ATP10A: variants seen among roughly 807,000 people sequenced by gnomAD.
The protein encoded by ATP10A is ATPase phospholipid transporting 10A (putative).
A neutral mutation model predicts 147.8 loss-of-function variants in ATP10A; 111 were observed. The ratio of observed to expected loss-of-function variants is 0.75; its 90% CI spans 0.64 to 0.88. The LOEUF is 0.88. ATP10A is among the 40% of genes least tolerant of loss of function. The pLI is 0.00. For missense variants in ATP10A, 1,927 were observed against 1,959.0 expected, an observed-to-expected ratio of 0.98 and a Z score of 0.31; for synonymous variants, 875 against 841.6, an observed-to-expected ratio of 1.04 and a Z score of -0.69.
At chr15:25,729,713 T>G (rs546712049) in intron 3 of ATP10A, among the ~76,000 whole-genome samples, 2 of 152,300 alleles carry the variant, frequency 1.3e-5, no homozygotes, top group African/African-American at 4.8e-5. Context: ...AGCCTCTGCC[T>G]GAGGTAGCCC....
At chr15:25,803,794 G>A (rs545057564) in intron 1 of ATP10A, among the ~76,000 whole-genome samples, 40 of 152,292 alleles carry the variant, frequency 2.6e-4, no homozygotes, top group Non-Finnish European at 5.1e-4. Flanking sequence ...GCAAACCTCC[G>A]TGGGCCTCGG....
rs529181954 is a variant in ATP10A, at chr15:25,725,760, G to A, written c.979+191C>T. ...AGCCATTCTCCTGCCTCAGTCTCCC[G>A]AGTAGCTGGGACTACAGGCACATTT... On this transcript the variant is annotated intron_variant, in intron 5 of 20. Coordinates refer to ENST00000555815, the MANE Select transcript of ATP10A (RefSeq NM_024490.4). Among the ~76,000 whole-genome samples the A allele has an allele frequency of 4.6e-4, 70 of 151,672 alleles. 1 individual carries two copies. In the East Asian group the frequency reaches 0.012, roughly 26 times the overall value.
intron 1 of ATP10A, among the ~76,000 whole-genome samples, chr15:25,787,950 T>C (rs1292021349): frequency 1.3e-5 from 2 of 152,182 alleles, no homozygotes; most frequent in Non-Finnish European, 2.9e-5. Flanking sequence ...CAGGATCACC[T>C]TGGGGACTTC....
chr15:25,683,317 G>A lies in ATP10A; in HGVS notation c.3461C>T (p.Pro1154Leu), dbSNP rs369503367. The A allele has an allele frequency of 2.1e-5, 34 of 1,613,964 alleles. No homozygotes were observed. Among genetic ancestry groups the A allele is most frequent in the African/African-American group, 1.1e-4 (8 of 74,886 alleles). Residue 1154 changes from proline to leucine, a missense_variant, in exon 17 of 21, where the codon CCG (proline) becomes CTG (leucine). Coordinates refer to ENST00000555815, the MANE Select transcript of ATP10A (RefSeq NM_024490.4). ...GTTCTGGCCACTCTTGTAGAGCTGC[G>A]GGTTGGTCAGCAGCACATTGGCTGG... ...DVPANVLLTN[P>L]QLYKSGQNME... is the part of the protein sequence containing the mutation.
At chr15:25,779,026 G>A (rs1420195085) in intron 2 of ATP10A, among the ~76,000 whole-genome samples, 2 of 152,040 alleles carry the variant, frequency 1.3e-5, no homozygotes, top group South Asian at 2.1e-4. Flanking sequence ...ACAGGCATGC[G>A]CCACCACGCC....
chr15:25,744,077 G>A (rs910318142), intron 2 of ATP10A, among the ~76,000 whole-genome samples: 1 of 152,018 alleles, frequency 6.6e-6, no homozygotes, highest in African/African-American at 2.4e-5. Flanking sequence ...GCTTTCTAAC[G>A]CAACCAGGAA....
In ATP10A at chr15:25,716,903, G is replaced by C. The variant is rs747957182; in HGVS notation, c.1603C>G (p.Pro535Ala). Reference protein sequence around the residue: ...SPMEKDITPDPKLLEKVSECD... With the variant: ...SPMEKDITPDAKLLEKVSECD... ...TCACTCACCTTCTCCAGCAGCTTTG[G>C]GTCGGGCGTGATATCCTTCTCCTGG... The change falls in exon 9 of 21, where the codon CCA (proline) becomes GCA (alanine). Residue 535 changes from proline to alanine, a missense_variant. By Grantham distance (27) the Pro-to-Ala change is conservative (BLOSUM62 -1). Transcript: ENST00000555815. 1.0e-5 allele frequency: 16 copies of C among 1,590,528 alleles called. No homozygotes were observed. The highest frequency in any genetic ancestry group is 1.4e-5 in the Non-Finnish European group (16 of 1,166,814).
intron 12 of ATP10A, among the ~76,000 whole-genome samples, chr15:25,703,420 C>A (rs933369022): frequency 8.5e-5 from 13 of 152,210 alleles, no homozygotes; most frequent in Non-Finnish European, 1.5e-4. Context: ...TGTGAGAACA[C>A]TGCAAGGAGG....
chr15:25,766,221 C>G (rs1216861851), intron 2 of ATP10A, among the ~76,000 whole-genome samples: 1 of 152,172 alleles, frequency 6.6e-6, no homozygotes, highest in East Asian at 1.9e-4. Context: ...GTTACCTCCC[C>G]CTGGTTCCCA....
chr15:25,764,504 CG>C (rs1888922986), intron 2 of ATP10A, among the ~76,000 whole-genome samples: 1 of 152,102 alleles, frequency 6.6e-6, no homozygotes, highest in East Asian at 1.9e-4. Context: ...GACACTCACT[CG>C]AAGTTCTGCC....
intron 12 of ATP10A, among the ~76,000 whole-genome samples, chr15:25,706,572 C>A (rs1901033253): frequency 6.6e-6 from 1 of 152,196 alleles, no homozygotes; most frequent in African/African-American, 2.4e-5. Context: ...TGAGTCAGGG[C>A]TCCTGGGCTC....
intron 1 of ATP10A, among the ~76,000 whole-genome samples, chr15:25,831,802 T>A (rs1435685528): frequency 7.9e-5 from 12 of 152,174 alleles, no homozygotes; most frequent in Admixed American, 6.5e-4. Flanking sequence ...TCATTATTCA[T>A]GAGCAAAATG....
At chr15:25,779,401 T>C (rs1889784400) in intron 2 of ATP10A, among the ~76,000 whole-genome samples, 1 of 152,230 alleles carries the variant, frequency 6.6e-6, no homozygotes, top group South Asian at 2.1e-4. Context: ...CTATCAGCCC[T>C]CTGCCTGCCC....
chr15:25,787,934 C>T (rs1890244802), intron 1 of ATP10A, among the ~76,000 whole-genome samples: 1 of 152,152 alleles, frequency 6.6e-6, no homozygotes, highest in Admixed American at 6.5e-5. Flanking sequence ...GGACACTGCC[C>T]TCCCCCAGGA....
intron 2 of ATP10A, among the ~76,000 whole-genome samples, chr15:25,737,397 T>C (rs1199233911): frequency 2.6e-5 from 4 of 152,166 alleles, no homozygotes; most frequent in African/African-American, 7.2e-5. Flanking sequence ...ACGAGGAGGG[T>C]AGGACTTAAA....
intron 17 of ATP10A, 75 bp downstream of exon 17, chr15:25,683,211 G>C (rs59122345): frequency 1.4e-6 from 2 of 1,397,468 alleles, no homozygotes; most frequent in African/African-American, 1.4e-5. Flanking sequence ...GAGGCTGGGG[G>C]ACTGGCACTT....
At position 25,679,002 on chromosome 15, in the gene ATP10A, GCAGTCA is replaced by G. The variant is rs1899212163; in HGVS notation, c.*333_*338del. On this transcript the variant is annotated 3_prime_UTR_variant, in exon 21 of 21. Transcript: ENST00000555815. Reference sequence around the variant, plus strand: ...TCACACCTGCCTGCATTAACCATGAGCAGTCACACATTTGTACTCAGTGCGCAGTCA... The same window carrying G: ...TCACACCTGCCTGCATTAACCATGAGCACATTTGTACTCAGTGCGCAGTCA... The G allele has an allele frequency of 6.5e-6, 1 of 153,448 alleles. No homozygotes were observed. The highest frequency in any genetic ancestry group is 2.1e-4 in the South Asian group (1 of 4,834). The allele number at this position is 153,448 out of a possible 1,614,324, so 9.5% of individuals were successfully genotyped here.
At position 25,679,236 on chromosome 15, in the gene ATP10A, G is replaced by C; in HGVS notation, c.*105C>G. On this transcript the variant is annotated 3_prime_UTR_variant, in exon 21 of 21. Transcript: ENST00000555815. ...CCTCTTGTTTCCTGTATTAGCCTGGGAAACATTTAGAAATACATCTCCCTA... is the reference window on the plus strand; with the variant it reads ...CCTCTTGTTTCCTGTATTAGCCTGGCAAACATTTAGAAATACATCTCCCTA... 1 of 945,958 alleles carries C rather than the reference G, an allele frequency of 1.1e-6. No individual in the cohort carries two copies. Among genetic ancestry groups the C allele is most frequent in the Non-Finnish European group, 1.4e-6 (1 of 731,454 alleles). The allele number at this position is 945,958 out of a possible 1,614,324, so 58.6% of individuals were successfully genotyped here. A position where few individuals can be genotyped will look rare whatever the true frequency, so the allele number is the denominator to read the frequency against.
intron 3 of ATP10A, among the ~76,000 whole-genome samples, chr15:25,732,032 TTG>T (rs546017266): frequency 6.6e-6 from 1 of 151,738 alleles, no homozygotes; most frequent in Non-Finnish European, 1.5e-5. Flanking sequence ...AGGCTAATTT[TTG>T]TGTGTGTGTG....
Sources: allele counts gnomAD v4.1 joint callset (sites outside exome capture counted in the v4.1 genomes callset), GRCh38; gene constraint gnomAD v4.1.1; transcripts MANE v1.5; gene names NCBI Gene and HGNC (gene_info 2026-07-23, HGNC 2026-07-21).